The following XKR6 variants were observed in gnomAD, a reference collection of about 807,000 sequenced individuals.
The protein encoded by XKR6 is XK related 6.
XKR6 carries 22 observed loss-of-function variants against 56.7 expected under a neutral mutation model. The ratio of observed to expected loss-of-function variants is 0.39; its 90% CI spans 0.28 to 0.55. The LOEUF (loss-of-function observed/expected upper bound fraction) is 0.55. Ranked by LOEUF, XKR6 falls within the 20% of genes least tolerant of loss-of-function variation. The pLI is 0.66. For missense variants in XKR6, 852 were observed against 889.0 expected (o/e 0.96, Z 0.53); for synonymous variants, 524 against 387.8 (o/e 1.35, Z -4.13).
chr8:11,100,427 CTTAA>C lies in XKR6; in HGVS notation c.764+100145_764+100148del, dbSNP rs200652832. Reference sequence around the variant, plus strand: ...CTTCCACCTAATGGGACACGGAGTCCTTAATTAAGACTTTGTGTTCCACTCATTG... The same window carrying C: ...CTTCCACCTAATGGGACACGGAGTCCTTAAGACTTTGTGTTCCACTCATTG... On this transcript the variant is annotated intron_variant, in intron 1 of 2. Coordinates refer to ENST00000416569, the MANE Select transcript of XKR6 (RefSeq NM_173683.4). Among the ~76,000 whole-genome samples, 46 of 152,286 alleles carry C rather than the reference CTTAA, an allele frequency of 3.0e-4. No individual in the cohort carries two copies. In the East Asian group the frequency reaches 8.5e-3, roughly 28 times the overall value.
intron 1 of XKR6, chr8:11,035,174 G>T (rs1799107328): frequency 1.9e-6 from 1 of 534,478 alleles, no homozygotes; most frequent in African/African-American, 1.9e-5. Flanking sequence ...CTCGTGCCCA[G>T]CCCAGCGTGG....
intron 1 of XKR6, among the ~76,000 whole-genome samples, chr8:11,136,289 C>T (rs1800389581): frequency 6.6e-6 from 1 of 152,174 alleles, no homozygotes; most frequent in Admixed American, 6.5e-5. Flanking sequence ...CCAAGGTGGG[C>T]AGATCACCTG....
chr8:11,154,592 T>G (rs769602275), intron 1 of XKR6, among the ~76,000 whole-genome samples: 1 of 152,194 alleles, frequency 6.6e-6, no homozygotes, highest in South Asian at 2.1e-4. Context: ...CACCCCAAAC[T>G]TGCAGTTGGT....
intron 1 of XKR6, chr8:11,194,446 A>G (rs565805183): frequency 2.0e-5 from 3 of 152,372 alleles, no homozygotes; most frequent in South Asian, 4.1e-4. Context: ...AACTTGTTAA[A>G]TGAGGTTATA....
At chr8:11,019,219 A>G (rs896661363) in intron 1 of XKR6, among the ~76,000 whole-genome samples, 1 of 152,180 alleles carries the variant, frequency 6.6e-6, no homozygotes, top group African/African-American at 2.4e-5. Flanking sequence ...CATGGGGCCA[A>G]AAGCCAATGT....
chr8:11,137,702 G>C (rs1163334591), intron 1 of XKR6: 6 of 456,130 alleles, frequency 1.3e-5, no homozygotes, highest in Non-Finnish European at 2.6e-5. Context: ...TGCTGAAGAA[G>C]CTACTCCCCT....
intron 1 of XKR6, chr8:11,108,196 T>A (rs983626722): frequency 2.2e-6 from 1 of 444,474 alleles, no homozygotes; most frequent in Non-Finnish European, 4.5e-6. Context: ...ACTACACTTA[T>A]AAACAAATTA....
chr8:11,185,632 T>C (rs1803234937), intron 1 of XKR6, among the ~76,000 whole-genome samples: 1 of 152,222 alleles, frequency 6.6e-6, no homozygotes, highest in Non-Finnish European at 1.5e-5. Context: ...TCTCCAATGA[T>C]GGGACATGAT....
At chr8:11,094,691 G>A (rs538412142) in intron 1 of XKR6, among the ~76,000 whole-genome samples, 15 of 152,238 alleles carry the variant, frequency 9.9e-5, no homozygotes, top group African/African-American at 3.4e-4. Context: ...CTAGGCAGAT[G>A]ACCACACCTA....
chr8:11,030,892 A>G (rs1798978400), intron 1 of XKR6, among the ~76,000 whole-genome samples: 1 of 152,238 alleles, frequency 6.6e-6, no homozygotes, highest in African/African-American at 2.4e-5. Flanking sequence ...ACCATTCAAT[A>G]AATGTGGTAT....
At chr8:11,017,235 T>C (rs1046176761) in intron 1 of XKR6, among the ~76,000 whole-genome samples, 1 of 152,218 alleles carries the variant, frequency 6.6e-6, no homozygotes, top group Admixed American at 6.5e-5. Context: ...AGTGGGTAGA[T>C]AGGAGGTAGA....
intron 1 of XKR6, among the ~76,000 whole-genome samples, chr8:10,961,521 C>G (rs560657374): frequency 7.9e-5 from 12 of 152,238 alleles, no homozygotes; most frequent in Non-Finnish European, 1.8e-4. Context: ...AGAGTGAACA[C>G]ACAGTCCACA....
intron 1 of XKR6, among the ~76,000 whole-genome samples, chr8:10,957,669 C>A (rs540823498): frequency 2.0e-4 from 30 of 152,312 alleles, no homozygotes; most frequent in African/African-American, 7.2e-4. Flanking sequence ...CAGTCTCACT[C>A]TGGGCAGCAT....
Position 11,002,753 on chromosome 8 carries a change from C to T in XKR6, c.765-77923G>A, listed in dbSNP as rs74640115. On this transcript the variant is annotated intron_variant, in intron 1 of 2. Transcript: ENST00000416569. ...TTCCACCACCATCATAGACAAGGTG[C>T]GGGCTCAGTGCTAAGGATGGTACTG... 7.7e-3 allele frequency among the ~76,000 whole-genome samples: 1,169 copies of T among 152,300 alleles called. 12 individuals are homozygous for T. The highest frequency in any genetic ancestry group is 0.027 in the African/African-American group (1,102 of 41,574).
chr8:11,053,321 C>G (rs181546080), intron 1 of XKR6, among the ~76,000 whole-genome samples: 59 of 152,328 alleles, frequency 3.9e-4, no homozygotes, highest in African/African-American at 1.4e-3. Flanking sequence ...CCCAAGGTCT[C>G]CGGCCCAGCA....
chr8:10,995,547 G>A (rs1388648178), intron 1 of XKR6, among the ~76,000 whole-genome samples: 3 of 148,998 alleles, frequency 2.0e-5, no homozygotes, highest in African/African-American at 7.4e-5. Flanking sequence ...AATTAGCCAG[G>A]CATGGTGGCA....
intron 1 of XKR6, among the ~76,000 whole-genome samples, chr8:10,940,345 T>A (rs936799992): frequency 9.9e-5 from 15 of 152,190 alleles, no homozygotes; most frequent in African/African-American, 3.6e-4. Context: ...GCTCATGCCT[T>A]CAGGGCTCCA....
intron 1 of XKR6, among the ~76,000 whole-genome samples, chr8:11,093,356 T>C (rs6601560): frequency 0.57 from 86,662 of 152,040 alleles, 28,270 homozygotes; most frequent in African/African-American, 0.88. Flanking sequence ...CGCCCAGATC[T>C]TCCCCAGCTT....
At chr8:11,009,563 T>C (rs1187604883) in intron 1 of XKR6, among the ~76,000 whole-genome samples, 1 of 152,200 alleles carries the variant, frequency 6.6e-6, no homozygotes, top group African/African-American at 2.4e-5. Flanking sequence ...GGAGATAGCA[T>C]GAGCTTAGAA....
Sources: allele counts gnomAD v4.1 joint callset (sites outside exome capture counted in the v4.1 genomes callset), GRCh38; gene constraint gnomAD v4.1.1; transcripts MANE v1.5; gene names NCBI Gene and HGNC (gene_info 2026-07-23, HGNC 2026-07-21).